Variants in SUPT5H observed in about 807,000 individuals in gnomAD.
SUPT5H encodes the protein SPT5 homolog, DSIF elongation factor subunit, also known as transcription elongation factor SPT5.
A neutral mutation model predicts 142.5 loss-of-function variants in SUPT5H; 24 were observed. The ratio of observed to expected loss-of-function variants is 0.17; its 90% CI spans 0.12 to 0.24. The LOEUF is 0.24. Ranked by LOEUF, SUPT5H falls within the 10% of genes least tolerant of loss-of-function variation. The pLI is 1.00. For missense variants in SUPT5H, 893 were observed against 1,471.8 expected (o/e 0.61, Z 6.43); for synonymous variants, 546 against 553.0 (o/e 0.99, Z 0.18).
chr19:39,469,140 G>A lies in SUPT5H; in HGVS notation c.1205G>A (p.Gly402Asp). ...ELEKFEDQPE[G>D]IDLEVVTEST... ...GAAAAGTTTGAGGACCAGCCAGAGG[G>A]CATTGACCTGGAGGTGGTGACTGAG... is the stretch of plus-strand genomic sequence containing the variant. Residue 402 changes from glycine (G) to aspartate (D), a missense_variant, in exon 15 of 30, where the codon GGC becomes GAC. Physicochemically the swap from Gly to Asp is moderately conservative, Grantham distance 94. Coordinates refer to ENST00000432763, the MANE Select transcript of SUPT5H (RefSeq NM_001111020.3). The surrounding 1 kb of genome is among the most constrained non-coding windows in gnomAD (Gnocchi z 5.1). 1.9e-6 allele frequency: 3 copies of A among 1,614,252 alleles called. No homozygotes were observed. The highest frequency in any genetic ancestry group is 2.5e-6 in the Non-Finnish European group (3 of 1,180,040).
intron 13 of SUPT5H, chr19:39,468,419 G>A (rs369036216): frequency 1.0e-4 from 36 of 357,506 alleles, no homozygotes; most frequent in Non-Finnish European, 1.5e-4. Flanking sequence ...TACTTTCTGT[G>A]TACTGGGCAC....
chr19:39,459,663 G>T, intron 9 of SUPT5H, 74 bp downstream of exon 9: 1 of 1,584,792 alleles, frequency 6.3e-7, no homozygotes, highest in Non-Finnish European at 8.7e-7. Flanking sequence ...AGAAGTGTCT[G>T]TCTGTCCCGG....
chr19:39,447,182 A>C (rs1056157938), intron 2 of SUPT5H, among the ~76,000 whole-genome samples: 4 of 152,180 alleles, frequency 2.6e-5, no homozygotes, highest in Non-Finnish European at 5.9e-5. Context: ...CCCTAAAAAA[A>C]GGGGGTCCAC....
rs1217635017 is a variant in SUPT5H at position 39,472,562 on chromosome 19, T to C, written c.2035+69T>C. ...CTGGAAGGAACTTGGTTGTTCAGCC[T>C]ACACTCACTGAGTGCCTGTGCTGGG... is the stretch of plus-strand genomic sequence containing the variant. On this transcript the variant is annotated intron_variant, in intron 21 of 29. Transcript: ENST00000432763. The surrounding 1 kb of genome is among the most constrained non-coding windows in gnomAD (Gnocchi z 4.2). 2 of 1,551,858 alleles carry C rather than the reference T, an allele frequency of 1.3e-6. No homozygotes were observed. The highest frequency in any genetic ancestry group is 2.7e-5 in the African/African-American group (2 of 73,762).
chr19:39,446,084 T>C (rs1456173123), intron 2 of SUPT5H, 119 bp downstream of exon 2: 4 of 1,114,026 alleles, frequency 3.6e-6, no homozygotes, highest in Non-Finnish European at 3.9e-6. Flanking sequence ...AACTCCCAGA[T>C]TGTCTCAAGA....
chr19:39,468,714 T>G, intron 13 of SUPT5H, 42 bp from the exon 14 acceptor site: 1 of 1,583,726 alleles, frequency 6.3e-7, no homozygotes. Context: ...GATTTTCTTC[T>G]TGACTCTCCC....
intron 10 of SUPT5H, among the ~76,000 whole-genome samples, chr19:39,464,299 A>T (rs1005339005): frequency 6.6e-6 from 1 of 152,212 alleles, no homozygotes; most frequent in Non-Finnish European, 1.5e-5. Context: ...TTGCTTTTTT[A>T]CACAGAACAT....
chr19:39,472,756 C>A lies in SUPT5H; in HGVS notation c.2036-54C>A. On this transcript the variant is annotated intron_variant, in intron 21 of 29. Transcript: ENST00000432763. This position sits in a 1 kb window ranked among gnomAD's most constrained non-coding sequence, Gnocchi z 4.2. ...AAGTGAAGGGGACGTTCTGATGGTG[C>A]CCTTGCTGTGGGCACAGCCGTGGGG... 6.4e-7 allele frequency: 1 copy of A among 1,573,682 alleles called. No individual in the cohort carries two copies.
rs373667990 is a variant in SUPT5H at position 39,468,816 on chromosome 19, C to T, written c.1098C>T (p.Tyr366=). Residue 366 remains tyrosine, a synonymous_variant, in exon 14 of 30, where the codon TAC becomes TAT. Transcript: ENST00000432763. ...TCCTCATCTTTGAGGGGAACCGTTA[C>T]AGCCGGAAGGGCTTTCTGTTCAAGA... ...GDFLIFEGNR[Y]SRKGFLFKSF... 25 of 1,614,176 alleles carry T rather than the reference C, an allele frequency of 1.5e-5. No individual in the cohort carries two copies. Among genetic ancestry groups the T allele is most frequent in the Middle Eastern group, 3.3e-4 (2 of 6,062 alleles).
intron 2 of SUPT5H, among the ~76,000 whole-genome samples, chr19:39,450,314 C>T (rs989515477): frequency 2.0e-5 from 3 of 151,642 alleles, no homozygotes; most frequent in Non-Finnish European, 2.9e-5. Flanking sequence ...CTCACTCTGT[C>T]GCCCAGGCTG....
intron 10 of SUPT5H, among the ~76,000 whole-genome samples, chr19:39,461,927 T>A (rs2079168470): frequency 6.6e-6 from 1 of 152,136 alleles, no homozygotes; most frequent in East Asian, 1.9e-4. Context: ...ATTTGAGTTA[T>A]GTCTCTGATT....
intron 11 of SUPT5H, among the ~76,000 whole-genome samples, chr19:39,465,385 G>A (rs942595268): frequency 1.3e-5 from 2 of 152,232 alleles, no homozygotes; most frequent in African/African-American, 2.4e-5. Flanking sequence ...GGGAGCTCAC[G>A]AGGGCCTGCG....
At chr19:39,453,961 TC>T (rs140005049) in intron 3 of SUPT5H, among the ~76,000 whole-genome samples, 25,897 of 152,196 alleles carry the variant, frequency 0.17, 2,366 homozygotes, top group Middle Eastern at 0.28. Context: ...TACATAGGAT[TC>T]CAAAGAGGAC....
chr19:39,450,370 G>C (rs1199958921), intron 2 of SUPT5H, among the ~76,000 whole-genome samples: 1 of 152,104 alleles, frequency 6.6e-6, no homozygotes, highest in East Asian at 1.9e-4. Context: ...CTTCCTTCTG[G>C]GTTTAAGTGA....
Position 39,470,510 on chromosome 19 carries a change from G to A in SUPT5H, c.1664G>A (p.Arg555Gln). Residue 555 changes from arginine to glutamine, a missense_variant, in exon 18 of 30, where the codon CGG becomes CAG. Arg to Gln is a conservative substitution (Grantham distance 43). Transcript: ENST00000432763. The surrounding 1 kb of genome is among the most constrained non-coding windows in gnomAD (Gnocchi z 5.8). ...QTVGVIVRLE[R>Q]ETFQVLNMYG... ...GTGGGTGTCATCGTGCGACTAGAAC[G>A]GGAGACCTTCCAGGTGTGTGTGTTG... The A allele has an allele frequency of 1.9e-6, 3 of 1,570,086 alleles. No homozygotes were observed. Among genetic ancestry groups the A allele is most frequent in the Non-Finnish European group, 2.6e-6 (3 of 1,156,614 alleles).
chr19:39,452,540 G>A (rs2079033884), intron 2 of SUPT5H, among the ~76,000 whole-genome samples: 1 of 152,148 alleles, frequency 6.6e-6, no homozygotes, highest in Non-Finnish European at 1.5e-5. Flanking sequence ...GGGCATGGTT[G>A]GGGTGCCAGA....
In SUPT5H at chr19:39,471,597, C is replaced by T. The variant is rs763749213; in HGVS notation, c.1825-8C>T. On this transcript the variant is annotated splice_polypyrimidine_tract_variant and splice_region_variant and intron_variant, in intron 19 of 29. Coordinates refer to ENST00000432763, the MANE Select transcript of SUPT5H (RefSeq NM_001111020.3). Reference sequence around the variant, plus strand: ...GGTCAAGAGAGTGACCCTTCTCTCCCCGGCTAGGGCCGAGAAGGGGAGATT... The same window carrying T: ...GGTCAAGAGAGTGACCCTTCTCTCCTCGGCTAGGGCCGAGAAGGGGAGATT... 5 of 1,614,130 alleles carry T rather than the reference C, an allele frequency of 3.1e-6. No individual in the cohort carries two copies. In the East Asian group the frequency reaches 1.1e-4, roughly 36 times the overall value.
chr19:39,445,735 T>G, intron 1 of SUPT5H, 69 bp from the exon 2 acceptor site: 2 of 797,052 alleles, frequency 2.5e-6, no homozygotes, highest in Non-Finnish European at 4.1e-6. Context: ...TAGGAGGGGG[T>G]CCTCACTCCG....
chr19:39,453,714 G>A (rs1363933371), intron 3 of SUPT5H, among the ~76,000 whole-genome samples, 193 bp downstream of exon 3: 3 of 152,106 alleles, frequency 2.0e-5, no homozygotes, highest in African/African-American at 7.2e-5. Context: ...ACAGGCGCCC[G>A]CCACCACGCC....
Sources: gnomAD v4.1 joint callset for allele counts (sites outside exome capture counted in the v4.1 genomes callset) on GRCh38, gnomAD v4.1.1 for gene constraint, Gnocchi (gnomAD v3.1) non-coding constraint, MANE v1.5 for transcripts, NCBI Gene and HGNC (gene_info 2026-07-23, HGNC 2026-07-21) for gene names.